The following USP3 variants were observed in gnomAD, a reference collection of about 807,000 sequenced individuals.
USP3 encodes ubiquitin carboxyl-terminal hydrolase 3.
In USP3, 20 loss-of-function variants were observed where a neutral mutation model predicts 72.3. That is an observed-to-expected ratio of 0.28 (90% CI 0.19 to 0.40). The LOEUF (loss-of-function observed/expected upper bound fraction) is 0.40. USP3 is among the 10% of genes least tolerant of loss of function. The pLI, the probability that USP3 is intolerant of heterozygous loss-of-function variation, is 1.00. For missense variants in USP3, 479 were observed against 633.9 expected, an observed-to-expected ratio of 0.76 and a Z score of 2.62; for synonymous variants, 222 against 225.3, an observed-to-expected ratio of 0.99 and a Z score of 0.13.
chr15:63,572,489 T>A (rs1039155325), intron 9 of USP3, among the ~76,000 whole-genome samples: 1 of 151,360 alleles, frequency 6.6e-6, no homozygotes, highest in Non-Finnish European at 1.5e-5. Flanking sequence ...TGCCATCTTT[T>A]AAAAAAAAAT....
Position 63,510,965 on chromosome 15 carries a change from C to A in USP3, c.91+6135C>A, listed in dbSNP as rs78837316. On this transcript the variant is annotated intron_variant, in intron 1 of 14. Transcript: ENST00000380324. ...CTTTGGCTTAGAAATTTGTAGAGAT[C>A]GTCTTTTTAACTGCTGTGAGTCTGC... 1.7e-3 allele frequency among the ~76,000 whole-genome samples: 260 copies of A among 152,016 alleles called. 3 individuals carry two copies. In the East Asian group the frequency reaches 0.021, roughly 13 times the overall value.
In USP3 at chr15:63,574,167, G is replaced by T; in HGVS notation, c.1015+15G>T. 1.3e-6 allele frequency: 2 copies of T among 1,508,712 alleles called. No individual in the cohort carries two copies. Among genetic ancestry groups the T allele is most frequent in the Non-Finnish European group, 9.0e-7 (1 of 1,116,800 alleles). The allele number at this position is 1,508,712 out of a possible 1,614,324, so 93.5% of individuals were successfully genotyped here. On this transcript the variant is annotated intron_variant, in intron 10 of 14. Coordinates refer to ENST00000380324, the MANE Select transcript of USP3 (RefSeq NM_006537.4). This position sits in a 1 kb window ranked among gnomAD's most constrained non-coding sequence, Gnocchi z 4.6. ...TCCATTCCTAGGTAAGATATATGTG[G>T]CATGTGGATATATAATATTTTATTA... is the stretch of plus-strand genomic sequence containing the variant.
At chr15:63,549,665 T>TA (rs775874298) in intron 3 of USP3, among the ~76,000 whole-genome samples, 5 of 152,232 alleles carry the variant, frequency 3.3e-5, no homozygotes, top group Admixed American at 1.3e-4. Context: ...CGTAAATTGT[T>TA]ATACCTGTCT....
At chr15:63,512,305 CTCTTCT>C (rs781608386) in intron 1 of USP3, among the ~76,000 whole-genome samples, 1 of 146,222 alleles carries the variant, frequency 6.8e-6, no homozygotes, top group Non-Finnish European at 1.5e-5. Context: ...CTTCTTCCTC[CTCTTCT>C]TCTTCTTCCT....
chr15:63,558,154 A>T lies in USP3; in HGVS notation c.499A>T (p.Thr167Ser), dbSNP rs1244528302. The stretch of plus-strand genomic sequence containing the variant: ...CACAGGCCTTCGGAATTTGGGGAAC[A>T]CATGTTTCATGAATGCCATCCTTCA... ...CATGLRNLGN[T>S]CFMNAILQSL... is the part of the protein sequence containing the mutation. Residue 167 changes from threonine (T) to serine (S), a missense_variant, in exon 6 of 15, where the codon ACA (threonine) becomes TCA (serine). Thr to Ser is a moderately conservative substitution (Grantham distance 58). Transcript: ENST00000380324. 10 of 1,614,108 alleles carry T rather than the reference A, an allele frequency of 6.2e-6. No individual in the cohort carries two copies. Among genetic ancestry groups the T allele is most frequent in the Non-Finnish European group, 7.6e-6 (9 of 1,180,024 alleles).
intron 1 of USP3, among the ~76,000 whole-genome samples, chr15:63,511,270 A>AAAAAAAAAAAAAAG (rs1219796390): frequency 6.8e-6 from 1 of 148,086 alleles, no homozygotes; most frequent in African/African-American, 2.5e-5. Context: ...TTTTCTTAAA[A>AAAAAAAAAAAAAAG]AAAAAAAAAA....
In USP3 at chr15:63,556,427, C is replaced by T. The variant is rs372569185; in HGVS notation, c.369-240C>T. The T allele has an allele frequency of 2.4e-3, 867 of 358,138 alleles. 1 individual carries two copies. The highest frequency in any genetic ancestry group is 3.8e-3 in the Non-Finnish European group (753 of 195,860). 22.2% of individuals were successfully genotyped at this position (358,138 alleles called of 1,614,324 possible). A position where few individuals can be genotyped will look rare whatever the true frequency, so the allele number is the denominator to read the frequency against. On this transcript the variant is annotated intron_variant, in intron 4 of 14. Transcript: ENST00000380324. The stretch of plus-strand genomic sequence containing the variant: ...GGAGTGTCCCACGGGCTGCATCTTC[C>T]CGGCCAGCTTTGCCAGGAGCAGTGT...
chr15:63,545,867 A>G (rs1209173153), intron 3 of USP3, among the ~76,000 whole-genome samples: 1 of 145,684 alleles, frequency 6.9e-6, no homozygotes, highest in African/African-American at 2.5e-5. Context: ...GCTACTCGGG[A>G]GGCTGAGGTA....
chr15:63,541,488 T>C (rs2066244811), intron 3 of USP3, among the ~76,000 whole-genome samples: 1 of 152,164 alleles, frequency 6.6e-6, no homozygotes, highest in African/African-American at 2.4e-5. Flanking sequence ...AAAACAATAT[T>C]TTGAAGTTTA....
chr15:63,590,828 A>G lies in USP3; in HGVS notation c.*2A>G, dbSNP rs893209160. ...AAAGCTGGATCGGATAAACTTTAAT[A>G]CCTCCTCCAAATCATCATTCACCAA... is the stretch of plus-strand genomic sequence containing the variant. On this transcript the variant is annotated 3_prime_UTR_variant, in exon 15 of 15. Coordinates refer to ENST00000380324, the MANE Select transcript of USP3 (RefSeq NM_006537.4). The G allele has an allele frequency of 6.2e-7, 1 of 1,606,538 alleles. No homozygotes were observed. Among genetic ancestry groups the G allele is most frequent in the Non-Finnish European group, 8.5e-7 (1 of 1,177,044 alleles).
intron 2 of USP3, among the ~76,000 whole-genome samples, chr15:63,534,654 T>G (rs1213090365): frequency 6.6e-6 from 1 of 152,182 alleles, no homozygotes; most frequent in African/African-American, 2.4e-5. Flanking sequence ...TATTCCTACT[T>G]CTTAGTTTAT....
chr15:63,573,899 T>C (rs2066819593), intron 9 of USP3, 147 bp from the exon 10 acceptor site: 2 of 444,940 alleles, frequency 4.5e-6, no homozygotes, highest in Non-Finnish European at 7.5e-6. Flanking sequence ...GAAATTTTTA[T>C]ATTATTTTTT....
chr15:63,529,227 A>T lies in USP3; in HGVS notation c.92-3420A>T. 2 of 427,422 alleles carry T rather than the reference A, an allele frequency of 4.7e-6. No individual in the cohort carries two copies. The highest frequency in any genetic ancestry group is 1.8e-5 in the South Asian group (1 of 56,716). 26.5% of individuals were successfully genotyped at this position (427,422 alleles called of 1,614,324 possible). ...AGATATATTAAAAGGCACAGTCCAT[A>T]GTCACTTGTTTCCAATGATTTTGGA... On this transcript the variant is annotated intron_variant, in intron 1 of 14. Coordinates refer to ENST00000380324, the MANE Select transcript of USP3 (RefSeq NM_006537.4). This position sits in a 1 kb window ranked among gnomAD's most constrained non-coding sequence, Gnocchi z 4.2.
At chr15:63,514,444 C>A (rs566513476) in intron 1 of USP3, among the ~76,000 whole-genome samples, 7 of 152,272 alleles carry the variant, frequency 4.6e-5, no homozygotes, top group South Asian at 2.1e-4. Flanking sequence ...ATCCCTCGGG[C>A]AGAGTATACG....
intron 11 of USP3, among the ~76,000 whole-genome samples, chr15:63,581,354 TG>T (rs1476225462): frequency 4.2e-4 from 7 of 16,822 alleles, no homozygotes; most frequent in Admixed American, 1.8e-3. Flanking sequence ...TTTGTGTGTG[TG>T]TGTGTGTGTG....
At chr15:63,539,756 T>A (rs756887740) in intron 3 of USP3, among the ~76,000 whole-genome samples, 15 of 152,190 alleles carry the variant, frequency 9.9e-5, no homozygotes, top group Non-Finnish European at 1.6e-4. Context: ...GCTGCTGAAT[T>A]CAGGAAGGGA....
chr15:63,534,594 C>T (rs763592082), intron 2 of USP3, among the ~76,000 whole-genome samples: 17 of 152,106 alleles, frequency 1.1e-4, no homozygotes, highest in Non-Finnish European at 1.8e-4. Flanking sequence ...TTAACCTCTT[C>T]GACTAATATA....
In USP3 at chr15:63,536,961, C is replaced by G; in HGVS notation, c.153-64C>G. 3.4e-6 allele frequency: 5 copies of G among 1,486,484 alleles called. No individual in the cohort carries two copies. In the South Asian group the frequency reaches 6.6e-5, roughly 20 times the overall value. The allele number at this position is 1,486,484 out of a possible 1,614,324, so 92.1% of individuals were successfully genotyped here. A position where few individuals can be genotyped will look rare whatever the true frequency, so the allele number is the denominator to read the frequency against. On this transcript the variant is annotated intron_variant, in intron 2 of 14. Coordinates refer to ENST00000380324, the MANE Select transcript of USP3 (RefSeq NM_006537.4). ...TGATTTGATTAATATTTAATTTCAT[C>G]ATTTCCTACTCCTTTAATTTCCAAA... is the stretch of plus-strand genomic sequence containing the variant.
chr15:63,514,736 A>T (rs78473652), intron 1 of USP3, among the ~76,000 whole-genome samples: 5,047 of 152,256 alleles, frequency 0.033, 107 homozygotes, highest in Middle Eastern at 0.095. Flanking sequence ...TTCCTTAAAT[A>T]TATACGAGTC....
Sources: allele counts gnomAD v4.1 joint callset (sites outside exome capture counted in the v4.1 genomes callset), GRCh38; gene constraint gnomAD v4.1.1; non-coding constraint Gnocchi (gnomAD v3.1); transcripts MANE v1.5; gene names NCBI Gene and HGNC (gene_info 2026-07-23, HGNC 2026-07-21).